Variants in FABP6 observed in about 807,000 individuals in gnomAD.
The protein encoded by FABP6 is fatty acid binding protein 6.
FABP6 carries 13 observed loss-of-function variants against 14.9 expected under a neutral mutation model. The ratio of observed to expected loss-of-function variants is 0.87; its 90% CI spans 0.57 to 1.39. The LOEUF (loss-of-function observed/expected upper bound fraction) is 1.39. Among genes scored for constraint, FABP6 ranks in the 40% most tolerant of loss-of-function variants. The pLI is 0.00. For missense variants in FABP6, 161 were observed against 167.2 expected, an observed-to-expected ratio of 0.96 and a Z score of 0.20; for synonymous variants, 75 against 63.6, an observed-to-expected ratio of 1.18 and a Z score of -0.85.
At chr5:160,204,433 C>T (rs1318015400) in intron 2 of FABP6, among the ~76,000 whole-genome samples, 4 of 152,278 alleles carry the variant, frequency 2.6e-5, no homozygotes, top group South Asian at 2.1e-4. Context: ...TGAACGTGCT[C>T]AGCCCATGTC....
chr5:160,198,090 G>A lies in FABP6; in HGVS notation c.-58-959G>A, dbSNP rs1759553265. On this transcript the variant is annotated intron_variant, in intron 1 of 6. Transcript: ENST00000393980. ...GGGAGAGGGATTGCAGAAGACAGAA[G>A]GAGAGAGCTAGAAGGCTAAAAATAC... 4 of 152,358 alleles carry A rather than the reference G, an allele frequency of 2.6e-5. No individual in the cohort carries two copies. The South Asian group carries it at 8.3e-4, about 31-fold the overall frequency. The allele number at this position is 152,358 out of a possible 1,614,324, so 9.4% of individuals were successfully genotyped here. A position where few individuals can be genotyped will look rare whatever the true frequency, so the allele number is the denominator to read the frequency against.
intron 3 of FABP6, among the ~76,000 whole-genome samples, chr5:160,236,692 C>T (rs1475532848): frequency 1.3e-5 from 2 of 151,998 alleles, no homozygotes; most frequent in African/African-American, 4.8e-5. Context: ...TAAAAATTAT[C>T]TGGGTGTGGT....
chr5:160,236,696 G>T (rs1760523962), intron 3 of FABP6, among the ~76,000 whole-genome samples: 1 of 152,012 alleles, frequency 6.6e-6, no homozygotes, highest in Non-Finnish European at 1.5e-5. Context: ...AATTATCTGG[G>T]TGTGGTGGCT....
intron 3 of FABP6, among the ~76,000 whole-genome samples, chr5:160,222,459 A>T (rs1189061417): frequency 6.6e-6 from 1 of 151,796 alleles, no homozygotes; most frequent in East Asian, 1.9e-4. Context: ...TCAGCCTCCC[A>T]AGCAGCTGGG....
chr5:160,232,345 C>A, intron 2 of FABP6, 72 bp downstream of exon 2: 3 of 1,440,468 alleles, frequency 2.1e-6, no homozygotes, highest in Non-Finnish European at 2.8e-6. Flanking sequence ...ACATGGCCTC[C>A]CCGCTCCCGA....
chr5:160,192,218 G>T (rs1012116789), intron 1 of FABP6, among the ~76,000 whole-genome samples: 1 of 151,568 alleles, frequency 6.6e-6, no homozygotes, highest in Non-Finnish European at 1.5e-5. Flanking sequence ...TTAGAGATGG[G>T]GTCTTGCTAT....
intron 3 of FABP6, among the ~76,000 whole-genome samples, chr5:160,224,264 A>C (rs1760196621): frequency 6.6e-6 from 1 of 151,910 alleles, no homozygotes; most frequent in Non-Finnish European, 1.5e-5. Context: ...AAAAATTAAA[A>C]AATAAAAAAA....
rs533051564 is a variant in FABP6 at position 160,207,826 on chromosome 5, C to A, written c.52-5910C>A. Among the ~76,000 whole-genome samples, 31 of 151,570 alleles carry A rather than the reference C, an allele frequency of 2.0e-4. 1 individual carries two copies. The East Asian group carries it at 3.1e-3, about 15-fold the overall frequency. ...GCAACCTCCGCCTCCCGGGTTCAAG[C>A]GCTTCTCCTGCCTCAGCCTCCCCAG... On this transcript the variant is annotated intron_variant, in intron 2 of 6. Transcript: ENST00000393980.
intron 1 of FABP6, among the ~76,000 whole-genome samples, chr5:160,188,061 A>T (rs1580891903): frequency 1.4e-3 from 1 of 728 alleles, no homozygotes; most frequent in Admixed American, 0.016. Context: ...GCCTGCTAAT[A>T]TTTTTTATTT....
chr5:160,235,140 G>A (rs574190445), intron 3 of FABP6, among the ~76,000 whole-genome samples: 2 of 152,204 alleles, frequency 1.3e-5, no homozygotes, highest in Non-Finnish European at 2.9e-5. Flanking sequence ...AAGTGAGGGA[G>A]CACACAGATT....
At chr5:160,237,313 G>A (rs1439112938) in intron 3 of FABP6, among the ~76,000 whole-genome samples, 1 of 152,044 alleles carries the variant, frequency 6.6e-6, no homozygotes, top group Non-Finnish European at 1.5e-5. Context: ...TGTGGTGTGG[G>A]CAGTGACCAG....
At chr5:160,206,192 GA>G (rs987929255) in intron 2 of FABP6, among the ~76,000 whole-genome samples, 1 of 152,194 alleles carries the variant, frequency 6.6e-6, no homozygotes, top group Admixed American at 6.6e-5. Context: ...CCAACTTTGG[GA>G]AGCCGAGGAG....
chr5:160,211,259 G>C (rs1012503931), intron 2 of FABP6, among the ~76,000 whole-genome samples: 14 of 152,038 alleles, frequency 9.2e-5, no homozygotes, highest in Non-Finnish European at 1.8e-4. Flanking sequence ...GCTGCATGTG[G>C]GTCTCTGTGG....
chr5:160,198,245 G>A (rs1025260731), intron 1 of FABP6: 1 of 152,170 alleles, frequency 6.6e-6, no homozygotes, highest in Non-Finnish European at 1.5e-5. Flanking sequence ...GATGATTCAG[G>A]CCAGAAGGGG....
At position 160,189,373 on chromosome 5, in the gene FABP6, C is replaced by G. The variant is rs182357096; in HGVS notation, c.-59+1919C>G. ...TCTCCTGCCTCAGCCTCCCTAGTAG[C>G]TGGGATTACAGGCGCCCACCACCAC... On this transcript the variant is annotated intron_variant, in intron 1 of 6. Transcript: ENST00000393980. 4.9e-3 allele frequency among the ~76,000 whole-genome samples: 739 copies of G among 152,116 alleles called. 6 individuals carry two copies. The highest frequency in any genetic ancestry group is 0.017 in the African/African-American group (711 of 41,486).
chr5:160,217,408 G>A (rs1464863850), intron 3 of FABP6, among the ~76,000 whole-genome samples: 2 of 152,096 alleles, frequency 1.3e-5, no homozygotes, highest in Non-Finnish European at 2.9e-5. Flanking sequence ...CAAGAAGAAG[G>A]GCTGAATGCT....
intron 3 of FABP6, among the ~76,000 whole-genome samples, chr5:160,221,336 A>C (rs974543687): frequency 6.6e-6 from 1 of 152,114 alleles, no homozygotes; most frequent in Non-Finnish European, 1.5e-5. Flanking sequence ...TGGACTAATC[A>C]AAAAAGCCTG....
rs556053570 is a variant in FABP6, at chr5:160,238,013, G to A, written c.334-593G>A. 2.0e-5 allele frequency among the ~76,000 whole-genome samples: 3 copies of A among 152,172 alleles called. No homozygotes were observed. In the East Asian group the frequency reaches 5.8e-4, roughly 30 times the overall value. On this transcript the variant is annotated intron_variant, in intron 3 of 3. Coordinates refer to ENST00000402432, the MANE Select transcript of FABP6 (RefSeq NM_001445.3). ...TGGAAATGCTGCTTTCTTCTGCTGG[G>A]TGTCAGAACCAGCTGATGACACGTG...
At chr5:160,188,810 G>A (rs1759342381) in intron 1 of FABP6, among the ~76,000 whole-genome samples, 1 of 152,170 alleles carries the variant, frequency 6.6e-6, no homozygotes, top group African/African-American at 2.4e-5. Context: ...GGTTGGAGCG[G>A]TTCCCTGCAA....
Sources: allele counts gnomAD v4.1 joint callset (sites outside exome capture counted in the v4.1 genomes callset), GRCh38; gene constraint gnomAD v4.1.1; transcripts MANE v1.5; gene names NCBI Gene and HGNC (gene_info 2026-07-23, HGNC 2026-07-21).